The following FER1L6 variants were observed in gnomAD, a reference collection of about 807,000 sequenced individuals.
FER1L6 encodes the protein fer-1-like protein 6.
In FER1L6, 177 loss-of-function variants were observed where a neutral mutation model predicts 219.2. That is an observed-to-expected ratio of 0.81 (90% CI 0.71 to 0.91). FER1L6 has a LOEUF of 0.91. FER1L6 is among the 40% of genes least tolerant of loss of function. The pLI, the probability that FER1L6 is intolerant of heterozygous loss-of-function variation, is 0.00. For missense variants in FER1L6, 2,153 were observed against 2,259.9 expected (o/e 0.95, Z 0.96); for synonymous variants, 768 against 824.3 (o/e 0.93, Z 1.17).
chr8:123,860,011 G>T (rs1248395180), intron 1 of FER1L6, among the ~76,000 whole-genome samples: 2 of 142,468 alleles, frequency 1.4e-5, no homozygotes, highest in Non-Finnish European at 3.0e-5. Context: ...TTAAGTTTTA[G>T]GGTACATGTG....
At chr8:124,066,646 C>A in intron 27 of FER1L6, 96 bp downstream of exon 27, 1 of 1,361,592 alleles carries the variant, frequency 7.3e-7, no homozygotes, top group Non-Finnish European at 1.0e-6. Flanking sequence ...TTTTAAATGC[C>A]ACTATACATA....
intron 1 of FER1L6, among the ~76,000 whole-genome samples, chr8:123,936,682 A>T (rs985832518): frequency 5.9e-5 from 9 of 152,272 alleles, no homozygotes; most frequent in African/African-American, 2.2e-4. Context: ...CAGCAAATAC[A>T]CACACCACTG....
intron 15 of FER1L6, 148 bp downstream of exon 15, chr8:124,013,679 C>A: frequency 2.1e-6 from 1 of 468,790 alleles, no homozygotes; most frequent in Non-Finnish European, 3.8e-6. Flanking sequence ...TAATTTCACT[C>A]GTGCTTGTGG....
chr8:124,011,634 C>G (rs1456040146), intron 14 of FER1L6, among the ~76,000 whole-genome samples: 1 of 151,562 alleles, frequency 6.6e-6, no homozygotes, highest in East Asian at 1.9e-4. Context: ...TGCATGCATG[C>G]CACCATGCCT....
chr8:124,033,650 C>T (rs1563755952), intron 18 of FER1L6, among the ~76,000 whole-genome samples: 1 of 152,182 alleles, frequency 6.6e-6, no homozygotes, highest in South Asian at 2.1e-4. Flanking sequence ...CCCAAAAGCT[C>T]TTAGCATCAT....
intron 1 of FER1L6, among the ~76,000 whole-genome samples, chr8:123,947,487 CTCTTT>C (rs1814553684): frequency 6.6e-6 from 1 of 152,102 alleles, no homozygotes; most frequent in Non-Finnish European, 1.5e-5. Flanking sequence ...TGATGTTTAA[CTCTTT>C]TCTTGTTATA....
chr8:123,906,535 C>T (rs959053474), intron 1 of FER1L6, among the ~76,000 whole-genome samples: 5 of 152,128 alleles, frequency 3.3e-5, no homozygotes, highest in African/African-American at 1.2e-4. Context: ...TGCAGTGGCT[C>T]ACACCTGTAA....
At chr8:124,031,260 A>G (rs937285701) in intron 18 of FER1L6, among the ~76,000 whole-genome samples, 2 of 152,222 alleles carry the variant, frequency 1.3e-5, no homozygotes, top group Non-Finnish European at 2.9e-5. Context: ...TAATGTATAT[A>G]TTAAATATAC....
At chr8:123,944,950 A>G (rs917133983) in intron 1 of FER1L6, among the ~76,000 whole-genome samples, 12 of 152,304 alleles carry the variant, frequency 7.9e-5, no homozygotes, top group African/African-American at 2.9e-4. Context: ...TTTCAGCAGG[A>G]ACAGGGAGTG....
chr8:123,934,215 G>A (rs1166375308), intron 1 of FER1L6, among the ~76,000 whole-genome samples: 4 of 152,158 alleles, frequency 2.6e-5, no homozygotes, highest in South Asian at 2.1e-4. Flanking sequence ...CGCCTCCAGG[G>A]TTAACTGTTG....
intron 15 of FER1L6, among the ~76,000 whole-genome samples, chr8:124,016,462 C>T (rs112097188): frequency 2.0e-5 from 3 of 151,362 alleles, no homozygotes; most frequent in Non-Finnish European, 2.9e-5. Context: ...TGATCATGCT[C>T]ATCATTAAAA....
At chr8:123,891,848 C>A (rs978623711) in intron 1 of FER1L6, among the ~76,000 whole-genome samples, 3 of 152,128 alleles carry the variant, frequency 2.0e-5, no homozygotes, top group Admixed American at 6.5e-5. Flanking sequence ...CCATTCAGTT[C>A]CTCTGAGCCC....
chr8:123,939,318 C>A, intron 1 of FER1L6: 1 of 462,730 alleles, frequency 2.2e-6, no homozygotes, highest in Non-Finnish European at 2.8e-6. Context: ...ACCAGGTTTA[C>A]CCCAGTGTTT....
intron 1 of FER1L6, among the ~76,000 whole-genome samples, chr8:123,888,587 T>G (rs1290170040): frequency 1.3e-5 from 2 of 152,192 alleles, no homozygotes; most frequent in Non-Finnish European, 2.9e-5. Flanking sequence ...TGGTACTGTT[T>G]GGCCCCAGTA....
chr8:124,082,401 A>G lies in FER1L6; in HGVS notation c.4334A>G (p.Glu1445Gly), dbSNP rs371679823. The G allele has an allele frequency of 1.2e-5, 20 of 1,613,970 alleles. No homozygotes were observed. The Middle Eastern group carries it at 1.2e-3, about 93-fold the overall frequency. The change falls in exon 33 of 41, where the codon GAG (glutamate) becomes GGG (glycine). Residue 1445 changes from glutamate (E) to glycine (G), a missense_variant. Glu to Gly is a moderately conservative substitution (Grantham distance 98). Coordinates refer to ENST00000522917, the MANE Select transcript of FER1L6 (RefSeq NM_001039112.2). ...ATTGGTGAGACCAAGATCGACCTGG[A>G]GAACCGCTTCTACAGCAAACACCGA... ...DLIGETKIDL[E>G]NRFYSKHRAI...
At chr8:123,906,729 G>A (rs550739552) in intron 1 of FER1L6, among the ~76,000 whole-genome samples, 1 of 151,868 alleles carries the variant, frequency 6.6e-6, no homozygotes, top group East Asian at 1.9e-4. Context: ...GAACCTGGGA[G>A]GTGGAAGTTG....
chr8:124,031,078 G>A lies in FER1L6; in HGVS notation c.2287-4199G>A, dbSNP rs895555290. The stretch of plus-strand genomic sequence containing the variant: ...CCTACCTTTCCATGCTATTCTCAGA[G>A]GGAAATACCTTGCTGTGGTTGGTGA... On this transcript the variant is annotated intron_variant, in intron 18 of 40. Transcript: ENST00000522917. Among the ~76,000 whole-genome samples the A allele has an allele frequency of 2.0e-5, 3 of 152,036 alleles. No individual in the cohort carries two copies. In the South Asian group the frequency reaches 6.2e-4, roughly 32 times the overall value.
intron 22 of FER1L6, among the ~76,000 whole-genome samples, chr8:124,058,079 C>G (rs1820391756): frequency 6.6e-6 from 1 of 152,126 alleles, no homozygotes; most frequent in Non-Finnish European, 1.5e-5. Context: ...AGTGATAGAG[C>G]CCAAGTAACC....
chr8:124,006,945 GC>G (rs770728164), intron 13 of FER1L6, among the ~76,000 whole-genome samples: 40 of 152,168 alleles, frequency 2.6e-4, no homozygotes, highest in Non-Finnish European at 5.4e-4. Flanking sequence ...TTGAGACAAA[GC>G]AAAATTTGGG....
Sources: allele counts gnomAD v4.1 joint callset (sites outside exome capture counted in the v4.1 genomes callset), GRCh38; gene constraint gnomAD v4.1.1; transcripts MANE v1.5; gene names NCBI Gene and HGNC (gene_info 2026-07-23, HGNC 2026-07-21).